MYT1: variants seen among roughly 807,000 people sequenced by gnomAD.
MYT1 encodes myelin transcription factor I.
A neutral mutation model predicts 123.0 loss-of-function variants in MYT1; 23 were observed. The observed-to-expected ratio is 0.19, with a 90% CI of 0.13 to 0.26. The LOEUF (loss-of-function observed/expected upper bound fraction) is 0.26. Ranked by LOEUF, MYT1 falls within the 10% of genes least tolerant of loss-of-function variation. The probability of loss-of-function intolerance (pLI) is 1.00; values close to 1 mark genes in which losing one functional copy is unlikely to be tolerated. For missense variants in MYT1, 1,125 were observed against 1,472.5 expected, an observed-to-expected ratio of 0.76 and a Z score of 3.86; for synonymous variants, 518 against 575.3, an observed-to-expected ratio of 0.90 and a Z score of 1.43.
intron 4 of MYT1, among the ~76,000 whole-genome samples, chr20:64,200,208 C>T (rs550087308): frequency 9.2e-5 from 14 of 152,342 alleles, no homozygotes; most frequent in Admixed American, 3.9e-4. Flanking sequence ...ACTGTCACTG[C>T]GGTCCCCCAA....
At chr20:64,234,351 A>G (rs1984432451) in intron 19 of MYT1, among the ~76,000 whole-genome samples, 1 of 152,128 alleles carries the variant, frequency 6.6e-6, no homozygotes, top group Non-Finnish European at 1.5e-5. Flanking sequence ...GGTCATGTGG[A>G]CCTCAGACCC....
rs1262956199 is a variant in MYT1 at position 64,168,537 on chromosome 20, C to T, written c.-99+3798C>T. ...GGCCAGGATTGGAGTCCAGGCCTTGCAGAGGAGAGAGGATGTCGACACAGC... is the reference window on the plus strand; with the variant it reads ...GGCCAGGATTGGAGTCCAGGCCTTGTAGAGGAGAGAGGATGTCGACACAGC... On this transcript the variant is annotated intron_variant, in intron 1 of 22. Coordinates refer to ENST00000328439, the MANE Select transcript of MYT1 (RefSeq NM_004535.3). This position sits in a 1 kb window ranked among gnomAD's most constrained non-coding sequence, Gnocchi z 6.1. 1.3e-5 allele frequency among the ~76,000 whole-genome samples: 2 copies of T among 152,224 alleles called. No individual in the cohort carries two copies. Among genetic ancestry groups the T allele is most frequent in the Non-Finnish European group, 2.9e-5 (2 of 68,040 alleles).
At chr20:64,197,784 G>A (rs1983166194) in intron 2 of MYT1, among the ~76,000 whole-genome samples, 1 of 152,238 alleles carries the variant, frequency 6.6e-6, no homozygotes, top group East Asian at 1.9e-4. Context: ...TCACCCTCCT[G>A]GGGGCTCCCC....
chr20:64,206,018 T>C (rs1983481171), intron 6 of MYT1, among the ~76,000 whole-genome samples: 1 of 152,028 alleles, frequency 6.6e-6, no homozygotes, highest in Non-Finnish European at 1.5e-5. Context: ...ACTGTGTGCG[T>C]AGGAGAGAGG....
intron 16 of MYT1, among the ~76,000 whole-genome samples, chr20:64,227,139 G>A (rs1984188997): frequency 6.6e-6 from 1 of 152,242 alleles, no homozygotes; most frequent in Admixed American, 6.5e-5. Flanking sequence ...ACCGATGCTG[G>A]AGCAGCAGTT....
At chr20:64,207,566 C>T (rs1350375036) in intron 6 of MYT1, 28 bp from the exon 7 acceptor site, 2 of 1,598,068 alleles carry the variant, frequency 1.3e-6, no homozygotes, top group Admixed American at 3.4e-5. Flanking sequence ...TGCTCTCTGG[C>T]CCCCACGTTG....
rs1054551001 is a variant in MYT1, at chr20:64,202,811, A to T, written c.87-2224A>T. The stretch of plus-strand genomic sequence containing the variant: ...CGTGCATCCTTTCCTCACATCTCTG[A>T]CACCAGCCCTAGTCAGAGCTGGGGA... On this transcript the variant is annotated intron_variant, in intron 4 of 22. Coordinates refer to ENST00000328439, the MANE Select transcript of MYT1 (RefSeq NM_004535.3). The surrounding 1 kb of genome is among the most constrained non-coding windows in gnomAD (Gnocchi z 5.0). 2.6e-5 allele frequency among the ~76,000 whole-genome samples: 4 copies of T among 152,084 alleles called. No individual in the cohort carries two copies. In the East Asian group the frequency reaches 7.7e-4, roughly 29 times the overall value.
chr20:64,187,044 G>A lies in MYT1; in HGVS notation c.-98-3019G>A, dbSNP rs372601369. 4.5e-3 allele frequency among the ~76,000 whole-genome samples: 662 copies of A among 145,688 alleles called. 4 individuals are homozygous for A. The highest frequency in any genetic ancestry group is 0.015 in the South Asian group (67 of 4,510). ...GAGATTTCCTGTAGCCCGTGGCCCC[G>A]GCATCCACGTTTCCGTGGAGACTTT... On this transcript the variant is annotated intron_variant, in intron 1 of 22. Coordinates refer to ENST00000328439, the MANE Select transcript of MYT1 (RefSeq NM_004535.3).
At chr20:64,239,941 C>T (rs1984666390) in intron 22 of MYT1, 38 bp downstream of exon 22, 1 of 1,603,120 alleles carries the variant, frequency 6.2e-7, no homozygotes, top group Non-Finnish European at 8.5e-7. Context: ...CACAGCTACC[C>T]CCCAGGGTCT....
intron 2 of MYT1, among the ~76,000 whole-genome samples, chr20:64,197,950 C>T (rs1983171653): frequency 6.6e-6 from 1 of 152,162 alleles, no homozygotes; most frequent in East Asian, 1.9e-4. Context: ...CTCCAGGTTG[C>T]CTGTTTCTCA....
chr20:64,208,267 C>A lies in MYT1; in HGVS notation c.1071C>A (p.His357Gln), dbSNP rs77452040. Reference sequence around the variant, plus strand: ...ATGATGACAAGGACGAGGACACCCACTCCCGGAAGTCAACAGTCACTGACG... The same window carrying A: ...ATGATGACAAGGACGAGGACACCCAATCCCGGAAGTCAACAGTCACTGACG... ...RSDDDKDEDT[H>Q]SRKSTVTDES... Residue 357 changes from histidine (H) to glutamine (Q), a missense_variant, in exon 7 of 23, where the codon CAC becomes CAA. His to Gln is a conservative substitution (Grantham distance 24). Coordinates refer to ENST00000328439, the MANE Select transcript of MYT1 (RefSeq NM_004535.3). This position sits in a 1 kb window ranked among gnomAD's most constrained non-coding sequence, Gnocchi z 5.4. 3,471 of 1,614,204 alleles carry A rather than the reference C, an allele frequency of 2.2e-3. 79 individuals are homozygous for A. The African/African-American group carries it at 0.041, about 19-fold the overall frequency.
At chr20:64,170,916 G>T (rs1982253817) in intron 1 of MYT1, among the ~76,000 whole-genome samples, 6 of 134,860 alleles carry the variant, frequency 4.4e-5, no homozygotes, top group African/African-American at 1.7e-4. Flanking sequence ...GAGAGAGAGA[G>T]AGAGAGAGAG....
In MYT1 at chr20:64,190,016, C is replaced by T. The variant is rs1210220634; in HGVS notation, c.-98-47C>T. Reference sequence around the variant, plus strand: ...TCCCCTTGAGCCAGCACGGCTGGCACCCACCAAGCTTTCCTTTTCTGACCT... The same window carrying T: ...TCCCCTTGAGCCAGCACGGCTGGCATCCACCAAGCTTTCCTTTTCTGACCT... On this transcript the variant is annotated intron_variant, in intron 1 of 22. Coordinates refer to ENST00000328439, the MANE Select transcript of MYT1 (RefSeq NM_004535.3). The surrounding 1 kb of genome is among the most constrained non-coding windows in gnomAD (Gnocchi z 4.1). 1 of 152,666 alleles carries T rather than the reference C, an allele frequency of 6.6e-6. No individual in the cohort carries two copies. Among genetic ancestry groups the T allele is most frequent in the African/African-American group, 2.4e-5 (1 of 41,456 alleles). 9.5% of individuals were successfully genotyped at this position (152,666 alleles called of 1,614,324 possible). A position where few individuals can be genotyped will look rare whatever the true frequency, so the allele number is the denominator to read the frequency against.
At chr20:64,201,022 G>A (rs867765468) in intron 4 of MYT1, among the ~76,000 whole-genome samples, 2 of 152,320 alleles carry the variant, frequency 1.3e-5, no homozygotes, top group East Asian at 1.9e-4. Flanking sequence ...GAAGGACCCC[G>A]AGTAAAGGGA....
rs1285936582 is a variant in MYT1, at chr20:64,212,224, T to TG, written c.1517+91dup. 3.0e-4 allele frequency: 3 copies of TG among 10,030 alleles called. 1 individual carries two copies. The highest frequency in any genetic ancestry group is 5.7e-4 in the South Asian group (1 of 1,762). The allele number at this position is 10,030 out of a possible 1,614,324, so 0.6% of individuals were successfully genotyped here. A position where few individuals can be genotyped will look rare whatever the true frequency, so the allele number is the denominator to read the frequency against. ...GTGGGGGCCGTGGTGGGGGCCAGGG[T>TG]GGGGGCCGTGGTGGGGGCCAGGGTG... is the stretch of plus-strand genomic sequence containing the variant. On this transcript the variant is annotated intron_variant, in intron 9 of 22. Transcript: ENST00000328439. This position sits in a 1 kb window ranked among gnomAD's most constrained non-coding sequence, Gnocchi z 6.8.
intron 6 of MYT1, among the ~76,000 whole-genome samples, chr20:64,207,228 T>A (rs991062024): frequency 5.9e-5 from 9 of 152,348 alleles, no homozygotes; most frequent in African/African-American, 1.4e-4. Flanking sequence ...ATTATTTTTT[T>A]AAAATCTGAC....
At chr20:64,195,784 T>G (rs779837896) in intron 2 of MYT1, among the ~76,000 whole-genome samples, 1 of 152,184 alleles carries the variant, frequency 6.6e-6, no homozygotes, top group Non-Finnish European at 1.5e-5. Flanking sequence ...AAAAACACAC[T>G]TTTGAGGAGA....
intron 1 of MYT1, among the ~76,000 whole-genome samples, chr20:64,165,698 G>A (rs1479952110): frequency 1.3e-5 from 2 of 152,170 alleles, no homozygotes; most frequent in African/African-American, 4.8e-5. Flanking sequence ...AAACATTTGC[G>A]GTGGTGCGGG....
Position 64,195,354 on chromosome 20 carries a change from CTGTGTGTGTGTGTGTG to C in MYT1, c.1-3480_1-3465del, listed in dbSNP as rs5741790. ...TCTTCGTACCATGTCATGGTGAGAACTGTGTGTGTGTGTGTGTGTGTGTGTGTGTGTGTGTGTGTGT... is the reference window on the plus strand; with the variant it reads ...TCTTCGTACCATGTCATGGTGAGAACTGTGTGTGTGTGTGTGTGTGTGTGT... On this transcript the variant is annotated intron_variant, in intron 2 of 22. Transcript: ENST00000328439. 8.5e-4 allele frequency among the ~76,000 whole-genome samples: 84 copies of C among 98,850 alleles called. No individual in the cohort carries two copies. In the South Asian group the frequency reaches 9.5e-3, roughly 11 times the overall value. 64.8% of individuals were successfully genotyped at this position (98,850 alleles called of 152,430 possible).
Sources: allele counts gnomAD v4.1 joint callset (sites outside exome capture counted in the v4.1 genomes callset), GRCh38; gene constraint gnomAD v4.1.1; non-coding constraint Gnocchi (gnomAD v3.1); transcripts MANE v1.5; gene names NCBI Gene and HGNC (gene_info 2026-07-23, HGNC 2026-07-21).